The following TECTA variants were observed in gnomAD, a reference collection of about 807,000 sequenced individuals.
TECTA encodes alpha-tectorin.
A neutral mutation model predicts 216.8 loss-of-function variants in TECTA; 128 were observed. The ratio of observed to expected loss-of-function variants is 0.59; its 90% CI spans 0.51 to 0.68. TECTA has a LOEUF of 0.68. Among genes scored for constraint, TECTA ranks in the 30% least tolerant of loss-of-function variants. The pLI is 0.00. For missense variants in TECTA, 2,551 were observed against 2,786.2 expected (o/e 0.92, Z 1.90); for synonymous variants, 1,089 against 1,117.1 (o/e 0.97, Z 0.50).
intron 20 of TECTA, among the ~76,000 whole-genome samples, chr11:121,178,022 C>T (rs1947186467): frequency 6.6e-6 from 1 of 152,226 alleles, no homozygotes; most frequent in Admixed American, 6.5e-5. Context: ...GTTTTTTAAG[C>T]CCGTCGGAAA....
In TECTA at chr11:121,157,878, G is replaced by T. The variant is rs866028341; in HGVS notation, c.4343G>T (p.Arg1448Leu). The change falls in exon 14 of 24, where the codon CGC becomes CTC. Residue 1448 changes from arginine (R) to leucine (L), a missense_variant. By Grantham distance (102) the Arg-to-Leu change is moderately radical. This residue lies in a region of TECTA where 2,375 missense variants were observed against 2,563.9 expected (regional missense o/e 0.93). Transcript: ENST00000392793. ...QLFWNSDCTR[R>L]CRCFRRNVIQ... Reference sequence around the variant, plus strand: ...TTTTGGAACAGCGACTGCACGCGGCGCTGCCGCTGTTTCCGTCGCAACGTG... The same window carrying T: ...TTTTGGAACAGCGACTGCACGCGGCTCTGCCGCTGTTTCCGTCGCAACGTG... 3 of 1,614,198 alleles carry T rather than the reference G, an allele frequency of 1.9e-6. No individual in the cohort carries two copies. The highest frequency in any genetic ancestry group is 2.5e-6 in the Non-Finnish European group (3 of 1,180,046).
chr11:121,160,354 C>T lies in TECTA; in HGVS notation c.4909C>T (p.Arg1637Ter), dbSNP rs139782546. ...GDLTDDYVTL[R>*]GKPVVSSVVL... is the part of the protein sequence containing the mutation. ...CCTAACAGATGATTATGTGACCTTGCGAGGGAAGCCGGTGGTAAGCAGCGT... is the reference window on the plus strand; with the variant it reads ...CCTAACAGATGATTATGTGACCTTGTGAGGGAAGCCGGTGGTAAGCAGCGT... Residue 1637 changes from arginine to a stop codon, truncating the protein, a stop_gained, in exon 15 of 24, where the codon CGA (arginine) becomes TGA (stop). Coordinates refer to ENST00000392793, the MANE Select transcript of TECTA (RefSeq NM_005422.4). LOFTEE classifies it high-confidence loss of function. 6.2e-6 allele frequency: 10 copies of T among 1,613,840 alleles called. No individual in the cohort carries two copies. Among genetic ancestry groups the T allele is most frequent in the South Asian group, 1.1e-5 (1 of 91,064 alleles).
chr11:121,182,197 A>G (rs571996276), intron 20 of TECTA, among the ~76,000 whole-genome samples: 1 of 151,998 alleles, frequency 6.6e-6, no homozygotes, highest in African/African-American at 2.4e-5. Flanking sequence ...GGGTGGGCCA[A>G]TCCTTGGTCA....
intron 20 of TECTA, among the ~76,000 whole-genome samples, chr11:121,179,826 C>T (rs1209347111): frequency 6.6e-6 from 1 of 152,114 alleles, no homozygotes; most frequent in Non-Finnish European, 1.5e-5. Flanking sequence ...ATATCTGACA[C>T]AAATATAGCT....
chr11:121,113,008 C>T lies in TECTA; in HGVS notation c.487-64C>T, dbSNP rs1946456326. On this transcript the variant is annotated intron_variant, in intron 4 of 23. Coordinates refer to ENST00000392793, the MANE Select transcript of TECTA (RefSeq NM_005422.4). This position sits in a 1 kb window ranked among gnomAD's most constrained non-coding sequence, Gnocchi z 4.2. The stretch of plus-strand genomic sequence containing the variant: ...GGGAGGGCGCAGGGTGAAGGGAGGA[C>T]CTCCTTGGGGCCAGGACCTCCTGGG... The T allele has an allele frequency of 3.7e-6, 6 of 1,607,588 alleles. No individual in the cohort carries two copies. Among genetic ancestry groups the T allele is most frequent in the Non-Finnish European group, 5.1e-6 (6 of 1,176,234 alleles).
At position 121,168,669 on chromosome 11, in the gene TECTA, C is replaced by T. The variant is rs753388258; in HGVS notation, c.5751-8C>T. On this transcript the variant is annotated splice_polypyrimidine_tract_variant and splice_region_variant and intron_variant, in intron 19 of 23. Transcript: ENST00000392793. ...TGGATTCCTGTCTCATAATTGTTTC[C>T]GTTTTAGTGTAATTAACCTGACAGT... 3.6e-5 allele frequency: 58 copies of T among 1,613,866 alleles called. 2 individuals carry two copies. Among genetic ancestry groups the T allele is most frequent in the South Asian group, 1.5e-4 (14 of 91,066 alleles).
rs1388288707 is a variant in TECTA, at chr11:121,152,893, C to A, written c.4118C>A (p.Pro1373His). The change falls in exon 13 of 24, where the codon CCT (proline) becomes CAT (histidine). Residue 1373 changes from proline (P) to histidine (H), a missense_variant. By Grantham distance (77) the Pro-to-His change is moderately conservative. Coordinates refer to ENST00000392793, the MANE Select transcript of TECTA (RefSeq NM_005422.4). ...TCTCTTGTTCCAGCTGTCACCTGCC[C>A]TCCAAACAGCCATTACGAGAGCTGC... ...RNYTSCTVTC[P>H]PNSHYESCVS... 2 of 1,601,266 alleles carry A rather than the reference C, an allele frequency of 1.2e-6. No individual in the cohort carries two copies. Among genetic ancestry groups the A allele is most frequent in the Non-Finnish European group, 8.6e-7 (1 of 1,169,556 alleles).
In TECTA at chr11:121,125,603, G is replaced by A; in HGVS notation, c.1505G>A (p.Gly502Asp). The A allele has an allele frequency of 6.2e-7, 1 of 1,613,802 alleles. No individual in the cohort carries two copies. The highest frequency in any genetic ancestry group is 1.3e-5 in the African/African-American group (1 of 75,038). The stretch of plus-strand genomic sequence containing the variant: ...CACGCAGACTGGAAGTGCGACTCCG[G>A]CTGCGTCGACAACTGCACCCAGTGC... ...VYHADWKCDS[G>D]CVDNCTQCDA... The change falls in exon 8 of 24, where the codon GGC becomes GAC. Residue 502 changes from glycine to aspartate, a missense_variant. Gly to Asp is a moderately conservative substitution (Grantham distance 94, BLOSUM62 -1). Around this residue, in one of 3 missense-constraint regions of TECTA, gnomAD observed 2,375 missense variants for 2,563.9 expected, o/e 0.93. Coordinates refer to ENST00000392793, the MANE Select transcript of TECTA (RefSeq NM_005422.4).
chr11:121,124,510 A>T (rs1946588451), intron 7 of TECTA, among the ~76,000 whole-genome samples: 1 of 152,172 alleles, frequency 6.6e-6, no homozygotes, highest in Non-Finnish European at 1.5e-5. Context: ...TAAAAAACTT[A>T]TGTGATTCCC....
At chr11:121,186,181 A>G (rs1396289201) in intron 20 of TECTA, among the ~76,000 whole-genome samples, 1 of 151,188 alleles carries the variant, frequency 6.6e-6, no homozygotes, top group African/African-American at 2.4e-5. Context: ...GGGAAAGCAG[A>G]TGTTCAATGC....
Position 121,125,569 on chromosome 11 carries a change from C to A in TECTA, c.1471C>A (p.Arg491Ser). The change falls in exon 8 of 24, where the codon CGT (arginine) becomes AGT (serine). Residue 491 changes from arginine to serine, a missense_variant. Arg to Ser is a moderately radical substitution (Grantham distance 110, BLOSUM62 -1). Transcript: ENST00000392793. ...MSVLDLGESW[R>S]VYHADWKCDS... ...TGTCCTGGATCTGGGAGAGAGCTGG[C>A]GTGTGTACCACGCAGACTGGAAGTG... 1 of 1,614,098 alleles carries A rather than the reference C, an allele frequency of 6.2e-7. No homozygotes were observed. The highest frequency in any genetic ancestry group is 8.5e-7 in the Non-Finnish European group (1 of 1,180,034).
chr11:121,157,791 C>G, intron 13 of TECTA, 50 bp from the exon 14 acceptor site: 1 of 1,612,022 alleles, frequency 6.2e-7, no homozygotes, highest in Non-Finnish European at 8.5e-7. Flanking sequence ...TTTCGGGTCC[C>G]CAGCCCTGAC....
intron 22 of TECTA, 60 bp from the exon 23 acceptor site, chr11:121,189,704 T>C: frequency 1.3e-5 from 20 of 1,516,252 alleles, no homozygotes; most frequent in Non-Finnish European, 1.6e-5. Context: ...GCCCTTCCCT[T>C]CAATACCAGT....
intron 10 of TECTA, among the ~76,000 whole-genome samples, chr11:121,132,899 G>T (rs1365990090): frequency 2.0e-5 from 3 of 151,744 alleles, no homozygotes; most frequent in African/African-American, 7.3e-5. Flanking sequence ...TTTTTTTTGT[G>T]TGTGTGTGTT....
At position 121,160,221 on chromosome 11, in the gene TECTA, C is replaced by T. The variant is rs143362062; in HGVS notation, c.4776C>T (p.Thr1592=). ...GTGAGGGGTTTCTGGTGATTGACAC[C>T]AGCCCAGACATCCAGATATACTACA... ...YSSEGFLVID[T]SPDIQIYYNG... is the part of the protein sequence containing the mutation. The change falls in exon 15 of 24, where the codon ACC becomes ACT. Residue 1592 remains threonine (T), a synonymous_variant. Coordinates refer to ENST00000392793, the MANE Select transcript of TECTA (RefSeq NM_005422.4). 5.0e-6 allele frequency: 8 copies of T among 1,614,016 alleles called. No homozygotes were observed. The highest frequency in any genetic ancestry group is 1.6e-4 in the Middle Eastern group (1 of 6,084).
chr11:121,113,837 G>T lies in TECTA; in HGVS notation c.790+119G>T, dbSNP rs538166249. On this transcript the variant is annotated intron_variant, in intron 6 of 23. Coordinates refer to ENST00000392793, the MANE Select transcript of TECTA (RefSeq NM_005422.4). This position sits in a 1 kb window ranked among gnomAD's most constrained non-coding sequence, Gnocchi z 4.2. The stretch of plus-strand genomic sequence containing the variant: ...TGCCTTACTCTTTTGACATCTCTCC[G>T]CTGGGTAATGGAGATCAAGGTAATT... 2.2e-5 allele frequency: 27 copies of T among 1,202,808 alleles called. No individual in the cohort carries two copies. In the South Asian group the frequency reaches 3.2e-4, roughly 14 times the overall value. 74.5% of individuals were successfully genotyped at this position (1,202,808 alleles called of 1,614,324 possible). A position where few individuals can be genotyped will look rare whatever the true frequency, so the allele number is the denominator to read the frequency against.
intron 4 of TECTA, among the ~76,000 whole-genome samples, chr11:121,111,510 G>A (rs889871968): frequency 1.3e-5 from 2 of 152,272 alleles, no homozygotes; most frequent in South Asian, 2.1e-4. Context: ...GCTGAGGTGC[G>A]TGCGGGTGGC....
At chr11:121,130,585 G>A (rs901919512) in intron 10 of TECTA, among the ~76,000 whole-genome samples, 6 of 152,120 alleles carry the variant, frequency 3.9e-5, no homozygotes, top group African/African-American at 9.7e-5. Context: ...GGAAGTGATC[G>A]GCCAGGGCAC....
chr11:121,170,333 T>C (rs1282771552), intron 20 of TECTA, among the ~76,000 whole-genome samples: 1 of 152,228 alleles, frequency 6.6e-6, no homozygotes, highest in Non-Finnish European at 1.5e-5. Context: ...AGGTATTCTT[T>C]TGATATACTA....
Sources: allele counts gnomAD v4.1 joint callset (sites outside exome capture counted in the v4.1 genomes callset), GRCh38; gene constraint gnomAD v4.1.1; regional missense constraint gnomAD v4.1.1; non-coding constraint Gnocchi (gnomAD v3.1); transcripts MANE v1.5; gene names NCBI Gene and HGNC (gene_info 2026-07-23, HGNC 2026-07-21).